Variants in FBXL17 observed in about 807,000 individuals in gnomAD.
The protein encoded by FBXL17 is F-box/LRR-repeat protein 17.
FBXL17 carries 22 observed loss-of-function variants against 66.2 expected under a neutral mutation model. The observed-to-expected ratio is 0.33, with a 90% CI of 0.24 to 0.47. The LOEUF (loss-of-function observed/expected upper bound fraction) is 0.47, where lower values mean the gene tolerates loss of function less well. Ranked by LOEUF, FBXL17 falls within the 20% of genes least tolerant of loss-of-function variation. The probability of loss-of-function intolerance (pLI) is 1.00; values close to 1 mark genes in which losing one functional copy is unlikely to be tolerated. For missense variants in FBXL17, 878 were observed against 948.2 expected, an observed-to-expected ratio of 0.93 and a Z score of 0.97; for synonymous variants, 474 against 400.5, an observed-to-expected ratio of 1.18 and a Z score of -2.19.
chr5:108,177,946 A>G (rs1752858888), intron 6 of FBXL17, among the ~76,000 whole-genome samples: 2 of 122,694 alleles, frequency 1.6e-5, no homozygotes, highest in African/African-American at 2.8e-5. Context: ...CACACACACT[A>G]TTACCTCACT....
intron 4 of FBXL17, among the ~76,000 whole-genome samples, chr5:108,237,015 A>G (rs1755636124): frequency 6.6e-6 from 1 of 152,164 alleles, no homozygotes; most frequent in Admixed American, 6.5e-5. Flanking sequence ...GCCATGTAGT[A>G]GGTGGTAAAA....
intron 4 of FBXL17, among the ~76,000 whole-genome samples, chr5:108,268,406 T>C (rs540855115): frequency 6.6e-6 from 1 of 152,162 alleles, no homozygotes; most frequent in Admixed American, 6.6e-5. Context: ...AAGGCAAATC[T>C]GTAACTATGA....
chr5:108,067,303 C>G (rs187692864), intron 6 of FBXL17, among the ~76,000 whole-genome samples: 1 of 152,240 alleles, frequency 6.6e-6, no homozygotes, highest in East Asian at 1.9e-4. Context: ...ATGTATACTT[C>G]TATCTTCCTT....
chr5:107,924,585 G>T (rs764938777), intron 7 of FBXL17, among the ~76,000 whole-genome samples: 7 of 152,176 alleles, frequency 4.6e-5, no homozygotes, highest in Non-Finnish European at 7.4e-5. Context: ...CTTTGAGGCT[G>T]CCCTAGTCTC....
intron 5 of FBXL17, among the ~76,000 whole-genome samples, chr5:108,193,369 G>C (rs1283336883): frequency 1.3e-5 from 2 of 152,134 alleles, no homozygotes; most frequent in East Asian, 1.9e-4. Flanking sequence ...GACTCAAGGA[G>C]AAAGGGAAAG....
At chr5:108,129,385 T>C (rs1750838918) in intron 6 of FBXL17, among the ~76,000 whole-genome samples, 2 of 152,194 alleles carry the variant, frequency 1.3e-5, no homozygotes, top group Non-Finnish European at 2.9e-5. Context: ...CACATATTTC[T>C]AAGGAATTCA....
At chr5:107,997,325 C>T (rs1368380291) in intron 7 of FBXL17, among the ~76,000 whole-genome samples, 1 of 152,150 alleles carries the variant, frequency 6.6e-6, no homozygotes, top group Admixed American at 6.5e-5. Flanking sequence ...TCTGCTCCAT[C>T]CTAACTTATA....
chr5:108,033,669 A>C (rs1379087629), intron 6 of FBXL17, among the ~76,000 whole-genome samples: 1 of 152,218 alleles, frequency 6.6e-6, no homozygotes, highest in Non-Finnish European at 1.5e-5. Flanking sequence ...AATTAGTTTT[A>C]TAAGAAACTG....
Position 108,224,066 on chromosome 5 carries a change from C to T in FBXL17, c.1614+55G>A, listed in dbSNP as rs1754987371. The T allele has an allele frequency of 6.0e-6, 5 of 839,230 alleles. No individual in the cohort carries two copies. The Admixed American group carries it at 6.0e-5, about 10-fold the overall frequency. 52.0% of individuals were successfully genotyped at this position (839,230 alleles called of 1,614,324 possible). A position where few individuals can be genotyped will look rare whatever the true frequency, so the allele number is the denominator to read the frequency against. ...TTCAAGTAAATTAAACAATTTAGGG[C>T]TCATCACCTGTATGATACTCAAAAA... On this transcript the variant is annotated intron_variant, in intron 5 of 8. Coordinates refer to ENST00000542267, the MANE Select transcript of FBXL17 (RefSeq NM_001163315.3).
intron 4 of FBXL17, among the ~76,000 whole-genome samples, chr5:108,322,550 A>T (rs1042282774): frequency 6.6e-6 from 1 of 151,948 alleles, no homozygotes; most frequent in Non-Finnish European, 1.5e-5. Context: ...CTAATTATAC[A>T]TAGAGAGCAG....
intron 5 of FBXL17, among the ~76,000 whole-genome samples, chr5:108,193,720 C>T (rs34413): frequency 0.19 from 25,742 of 138,714 alleles, 2,281 homozygotes; most frequent in South Asian, 0.37. Context: ...ACAGAGACAA[C>T]AGCAATTGCT....
At chr5:108,016,786 C>CT (rs70996975) in intron 7 of FBXL17, among the ~76,000 whole-genome samples, 24 of 131,962 alleles carry the variant, frequency 1.8e-4, no homozygotes, top group African/African-American at 3.7e-4. Flanking sequence ...TTCTTTCTTT[C>CT]TTTTTTTTTT....
rs556516485 is a variant in FBXL17 at position 108,096,923 on chromosome 5, G to A, written c.1746-75922C>T. 7.9e-5 allele frequency among the ~76,000 whole-genome samples: 12 copies of A among 152,332 alleles called. No individual in the cohort carries two copies. The East Asian group carries it at 1.4e-3, about 17-fold the overall frequency. ...TGAAGAGTGAAAGAGTGGTACACAT[G>A]TAAAGGCACATGCATGGGGCATTTA... is the stretch of plus-strand genomic sequence containing the variant. On this transcript the variant is annotated intron_variant, in intron 6 of 8. Coordinates refer to ENST00000542267, the MANE Select transcript of FBXL17 (RefSeq NM_001163315.3).
rs577495660 is a variant in FBXL17 at position 108,365,033 on chromosome 5, A to C, written c.1117-38T>G. On this transcript the variant is annotated intron_variant, in intron 2 of 8. Coordinates refer to ENST00000542267, the MANE Select transcript of FBXL17 (RefSeq NM_001163315.3). ...AAGCAATAAATTTAAACTTTTGCTA[A>C]AAATAAAAACGTATTTTCCATTTTT... The C allele has an allele frequency of 9.4e-6, 14 of 1,493,142 alleles. No individual in the cohort carries two copies. The African/African-American group carries it at 2.0e-4, about 21-fold the overall frequency. The allele number at this position is 1,493,142 out of a possible 1,614,324, so 92.5% of individuals were successfully genotyped here.
At chr5:108,239,871 C>A (rs1411933619) in intron 4 of FBXL17, among the ~76,000 whole-genome samples, 1 of 151,856 alleles carries the variant, frequency 6.6e-6, no homozygotes, top group East Asian at 1.9e-4. Flanking sequence ...CCAGCTCAGC[C>A]CCAGTGAGGT....
chr5:108,071,810 G>A (rs1214169187), intron 6 of FBXL17, among the ~76,000 whole-genome samples: 4 of 151,992 alleles, frequency 2.6e-5, no homozygotes, highest in Non-Finnish European at 5.9e-5. Flanking sequence ...TCATTGGTAT[G>A]TTATTGGTAT....
chr5:107,878,149 C>G (rs1321447371), intron 8 of FBXL17: 1 of 719,192 alleles, frequency 1.4e-6, no homozygotes, highest in African/African-American at 1.9e-5. Flanking sequence ...AGTGTAATTA[C>G]TGACATATTT....
chr5:108,251,768 CTATA>C (rs1756364294), intron 4 of FBXL17, among the ~76,000 whole-genome samples: 1 of 152,042 alleles, frequency 6.6e-6, no homozygotes, highest in Non-Finnish European at 1.5e-5. Flanking sequence ...TCCATCAATC[CTATA>C]TAAATTGTTT....
At chr5:108,099,073 T>C (rs1040855580) in intron 6 of FBXL17, among the ~76,000 whole-genome samples, 2 of 152,174 alleles carry the variant, frequency 1.3e-5, no homozygotes, top group South Asian at 2.1e-4. Flanking sequence ...TATATTCCCA[T>C]TGCCTAGAAT....
Sources: gnomAD v4.1 joint callset for allele counts (sites outside exome capture counted in the v4.1 genomes callset) on GRCh38, gnomAD v4.1.1 for gene constraint, MANE v1.5 for transcripts, NCBI Gene and HGNC (gene_info 2026-07-23, HGNC 2026-07-21) for gene names.